The following WDFY3 variants were observed in gnomAD, a reference collection of about 807,000 sequenced individuals.
WDFY3 encodes the protein WD repeat and FYVE domain-containing protein 3.
A neutral mutation model predicts 409.6 loss-of-function variants in WDFY3; 66 were observed. The ratio of observed to expected loss-of-function variants is 0.16; its 90% CI spans 0.13 to 0.20. The LOEUF is 0.20. WDFY3 is among the 10% of genes least tolerant of loss of function. The pLI, the probability that WDFY3 is intolerant of heterozygous loss-of-function variation, is 1.00. For missense variants in WDFY3, 3,031 were observed against 4,298.1 expected (o/e 0.71, Z 8.24); for synonymous variants, 1,521 against 1,537.1 (o/e 0.99, Z 0.25).
In WDFY3 at chr4:84,874,957, C is replaced by T. The variant is rs895081804; in HGVS notation, c.-31-14335G>A. 4.6e-5 allele frequency among the ~76,000 whole-genome samples: 7 copies of T among 152,030 alleles called. No homozygotes were observed. In the East Asian group the frequency reaches 1.2e-3, roughly 25 times the overall value. ...GTACAGCATGTTGCTGTACTGAATA[C>T]TATAGGCAACTGTAACACAATGGTA... On this transcript the variant is annotated intron_variant, in intron 3 of 67. Transcript: ENST00000295888.
intron 58 of WDFY3, among the ~76,000 whole-genome samples, chr4:84,694,824 T>C (rs939578951): frequency 1.3e-5 from 2 of 152,108 alleles, no homozygotes; most frequent in Admixed American, 6.6e-5. Context: ...GGGGATCACA[T>C]TGCTAGGGGA....
chr4:84,690,474 T>G (rs758922810), intron 61 of WDFY3, 32 bp downstream of exon 61: 2 of 1,614,014 alleles, frequency 1.2e-6, no homozygotes, highest in South Asian at 2.2e-5. Context: ...ATGGACTATG[T>G]CCTTCTTGGC....
rs755929235 is a variant in WDFY3, at chr4:84,801,904, T to C, written c.2608-40A>G. On this transcript the variant is annotated intron_variant, in intron 16 of 67. Coordinates refer to ENST00000295888, the MANE Select transcript of WDFY3 (RefSeq NM_014991.6). ...GAAATCCACACAGTCAGGTCATTCT[T>C]AGTGAGAAAGATGACAATTCTTTTC... is the stretch of plus-strand genomic sequence containing the variant. The C allele has an allele frequency of 1.9e-6, 3 of 1,584,462 alleles. No individual in the cohort carries two copies. In the South Asian group the frequency reaches 3.3e-5, roughly 18 times the overall value.
intron 15 of WDFY3, 145 bp from the exon 16 acceptor site, chr4:84,803,612 T>A (rs1245936542): frequency 1.1e-6 from 1 of 876,350 alleles, no homozygotes; most frequent in Non-Finnish European, 1.7e-6. Context: ...TATTATCAAC[T>A]CGAGTTGATA....
chr4:84,697,128 G>A (rs772129841), intron 56 of WDFY3, among the ~76,000 whole-genome samples: 4 of 152,160 alleles, frequency 2.6e-5, no homozygotes, highest in African/African-American at 9.7e-5. Flanking sequence ...AGGACTCCTC[G>A]GAGGTTTAAT....
chr4:84,857,270 G>C (rs146654878), intron 4 of WDFY3, among the ~76,000 whole-genome samples: 10 of 152,052 alleles, frequency 6.6e-5, no homozygotes, highest in Non-Finnish European at 1.3e-4. Flanking sequence ...TAAGTAGATA[G>C]AGAATAATTA....
chr4:84,673,787 A>T (rs557058133), intron 67 of WDFY3, among the ~76,000 whole-genome samples: 4 of 151,588 alleles, frequency 2.6e-5, no homozygotes, highest in East Asian at 2.0e-4. Context: ...GAAAAAAAAA[A>T]TTTTTTTTTG....
At chr4:84,771,091 T>C (rs1023514412) in intron 30 of WDFY3, among the ~76,000 whole-genome samples, 2 of 152,204 alleles carry the variant, frequency 1.3e-5, no homozygotes, top group African/African-American at 2.4e-5. Flanking sequence ...CTGAATTCAA[T>C]GGACAGCAAA....
intron 2 of WDFY3, among the ~76,000 whole-genome samples, chr4:84,931,958 A>G (rs1770819820): frequency 6.6e-6 from 1 of 152,176 alleles, no homozygotes; most frequent in Non-Finnish European, 1.5e-5. Flanking sequence ...AAAAAACAAG[A>G]GGAAATTATG....
chr4:84,859,143 T>C (rs1194704099), intron 4 of WDFY3, among the ~76,000 whole-genome samples: 1 of 150,854 alleles, frequency 6.6e-6, no homozygotes, highest in African/African-American at 2.4e-5. Flanking sequence ...GAGAAAGAAA[T>C]TGAGACAGGA....
chr4:84,775,257 A>G, intron 27 of WDFY3, 119 bp from the exon 28 acceptor site: 1 of 902,602 alleles, frequency 1.1e-6, no homozygotes, highest in Non-Finnish European at 1.6e-6. Context: ...TATCTTGTAA[A>G]GTTCTATAAA....
intron 24 of WDFY3, among the ~76,000 whole-genome samples, chr4:84,783,972 C>A (rs1026355072): frequency 6.6e-6 from 1 of 152,086 alleles, no homozygotes; most frequent in Non-Finnish European, 1.5e-5. Flanking sequence ...GACTTTGCCT[C>A]TGATAATCAG....
intron 66 of WDFY3, among the ~76,000 whole-genome samples, chr4:84,677,890 G>A (rs1476926349): frequency 6.8e-6 from 1 of 147,668 alleles, no homozygotes; most frequent in Non-Finnish European, 1.5e-5. Context: ...TTGAGCCTGG[G>A]AGGTTGAGGC....
intron 32 of WDFY3, among the ~76,000 whole-genome samples, chr4:84,758,216 A>G (rs1741790456): frequency 6.6e-6 from 1 of 152,150 alleles, no homozygotes; most frequent in Admixed American, 6.6e-5. Context: ...TTCGGTCTGA[A>G]GCAATTTGTA....
intron 1 of WDFY3, among the ~76,000 whole-genome samples, chr4:84,961,900 C>T (rs187107392): frequency 3.5e-4 from 53 of 152,272 alleles, no homozygotes; most frequent in African/African-American, 1.3e-3. Context: ...AAAAAGGTTA[C>T]TGATATTAAT....
At chr4:84,904,280 G>T (rs1487640995) in intron 2 of WDFY3, among the ~76,000 whole-genome samples, 1 of 152,048 alleles carries the variant, frequency 6.6e-6, no homozygotes, top group Non-Finnish European at 1.5e-5. Context: ...CGCTCTTGTT[G>T]CCCAGGCTGG....
chr4:84,742,496 G>C (rs1476911159), intron 37 of WDFY3, among the ~76,000 whole-genome samples: 3 of 152,034 alleles, frequency 2.0e-5, no homozygotes, highest in Admixed American at 2.0e-4. Context: ...ATTGCTTTCA[G>C]ACTAATCCTC....
chr4:84,679,900 G>T (rs1332771914), intron 64 of WDFY3, among the ~76,000 whole-genome samples: 1 of 150,592 alleles, frequency 6.6e-6, no homozygotes, highest in East Asian at 2.0e-4. Flanking sequence ...ATGTATGTAT[G>T]TATTTTTTGA....
intron 5 of WDFY3, among the ~76,000 whole-genome samples, chr4:84,845,212 CT>C (rs1757926168): frequency 6.6e-6 from 1 of 152,140 alleles, no homozygotes; most frequent in Non-Finnish European, 1.5e-5. Context: ...TAATCTTGTT[CT>C]GGTGAACAAC....
Sources: allele counts gnomAD v4.1 joint callset (sites outside exome capture counted in the v4.1 genomes callset), GRCh38; gene constraint gnomAD v4.1.1; transcripts MANE v1.5; gene names NCBI Gene and HGNC (gene_info 2026-07-23, HGNC 2026-07-21).